Variants in ZNF490 observed in about 807,000 individuals in gnomAD.
The protein encoded by ZNF490 is zinc finger protein 490.
Under a neutral mutation model 17.7 loss-of-function variants are expected in ZNF490, and 11 were observed. The ratio of observed to expected loss-of-function variants is 0.62; its 90% confidence interval spans 0.39 to 1.03. The LOEUF is 1.03. Ranked by LOEUF, ZNF490 falls within the 50% of genes least tolerant of loss-of-function variation. The pLI, the probability that ZNF490 is intolerant of heterozygous loss-of-function variation, is 0.00. For missense variants in ZNF490, 542 were observed against 643.4 expected (o/e 0.84, Z 1.71); for synonymous variants, 222 against 216.1 (o/e 1.03, Z -0.24).
intron 2 of ZNF490, chr19:12,597,399 G>A (rs781608704): frequency 2.1e-4 from 63 of 298,156 alleles, no homozygotes; most frequent in Non-Finnish European, 1.1e-4. Context: ...CCATGCAGGA[G>A]GGCACGTGGT....
At chr19:12,609,997 G>T (rs1214343166) in intron 1 of ZNF490, 1 of 443,648 alleles carries the variant, frequency 2.3e-6, no homozygotes. Context: ...AAATAAAAAT[G>T]AAAAGCAATA....
intron 2 of ZNF490, among the ~76,000 whole-genome samples, chr19:12,589,439 C>T (rs1442113554): frequency 6.6e-6 from 1 of 151,976 alleles, no homozygotes; most frequent in Admixed American, 6.6e-5. Context: ...AATGTCTCCT[C>T]AAGCTAGCTA....
chr19:12,606,244 G>T (rs184320643), intron 2 of ZNF490, among the ~76,000 whole-genome samples: 8 of 151,410 alleles, frequency 5.3e-5, no homozygotes, highest in Admixed American at 1.3e-4. Flanking sequence ...CCAAGCTGGA[G>T]TGCAGTGGCA....
At position 12,578,992 on chromosome 19, in the gene ZNF490, G is replaced by A. The variant is rs2022682422; in HGVS notation, c.*1493C>T. 4.1e-6 allele frequency: 4 copies of A among 982,724 alleles called. No individual in the cohort carries two copies. The highest frequency in any genetic ancestry group is 9.4e-5 in the South Asian group (2 of 21,250). 60.9% of individuals were successfully genotyped at this position (982,724 alleles called of 1,614,324 possible). A position where few individuals can be genotyped will look rare whatever the true frequency, so the allele number is the denominator to read the frequency against. ...CTGGAGGCCGGGCGCGGTGGCTCAC[G>A]CCTATAATCCCAGCACTTTGGGAGG... On this transcript the variant is annotated 3_prime_UTR_variant, in exon 5 of 5. Coordinates refer to ENST00000311437, the MANE Select transcript of ZNF490 (RefSeq NM_020714.3).
intron 2 of ZNF490, among the ~76,000 whole-genome samples, chr19:12,608,149 T>C (rs1326833275): frequency 2.6e-5 from 4 of 152,170 alleles, no homozygotes; most frequent in African/African-American, 4.8e-5. Context: ...AGGGAACTGA[T>C]AGCAATGACA....
chr19:12,604,699 C>T (rs1248817821), intron 2 of ZNF490, among the ~76,000 whole-genome samples: 1 of 151,282 alleles, frequency 6.6e-6, no homozygotes, highest in Non-Finnish European at 1.5e-5. Context: ...TGGTGGGCGC[C>T]TGTAATCCCA....
chr19:12,607,918 T>C (rs1304417506), intron 2 of ZNF490, among the ~76,000 whole-genome samples: 2 of 152,040 alleles, frequency 1.3e-5, no homozygotes, highest in African/African-American at 4.8e-5. Flanking sequence ...TTATTGAAAA[T>C]GTCAGGCAAG....
chr19:12,597,239 C>T (rs1420192166), intron 2 of ZNF490: 4 of 456,266 alleles, frequency 8.8e-6, no homozygotes, highest in Non-Finnish European at 1.3e-5. Context: ...CGCAGAGCCA[C>T]AGACAGTCCG....
At position 12,577,622 on chromosome 19, in the gene ZNF490, AG is replaced by A; in HGVS notation, c.*2862del. On this transcript the variant is annotated 3_prime_UTR_variant, in exon 5 of 5. Coordinates refer to ENST00000311437, the MANE Select transcript of ZNF490 (RefSeq NM_020714.3). ...TCCACAGTAGCCGTCACTTCCACTG[AG>A]GCCTCATCTGCCAGCAAACCTTGCT... The A allele has an allele frequency of 1.0e-6, 1 of 985,478 alleles. No homozygotes were observed. The highest frequency in any genetic ancestry group is 1.2e-6 in the Non-Finnish European group (1 of 829,966). The allele number at this position is 985,478 out of a possible 1,614,324, so 61.0% of individuals were successfully genotyped here.
At chr19:12,605,184 A>C (rs2023053218) in intron 2 of ZNF490, among the ~76,000 whole-genome samples, 1 of 151,926 alleles carries the variant, frequency 6.6e-6, no homozygotes, top group Non-Finnish European at 1.5e-5. Flanking sequence ...ATAAATAATA[A>C]AATATCCTTT....
At chr19:12,583,074 C>T (rs1385999284) in intron 3 of ZNF490, among the ~76,000 whole-genome samples, 164 bp from the exon 4 acceptor site, 6 of 148,986 alleles carry the variant, frequency 4.0e-5, no homozygotes, top group Non-Finnish European at 8.9e-5. Context: ...GACAGAGTCT[C>T]GCTGTTGCCC....
intron 4 of ZNF490, among the ~76,000 whole-genome samples, chr19:12,582,509 C>A (rs2145141353): frequency 6.6e-6 from 1 of 152,246 alleles, no homozygotes; most frequent in African/African-American, 2.4e-5. Flanking sequence ...ATTCTCCTGC[C>A]TCAGCCTCCC....
chr19:12,605,644 T>C (rs937377975), intron 2 of ZNF490, among the ~76,000 whole-genome samples: 2 of 152,170 alleles, frequency 1.3e-5, no homozygotes, highest in African/African-American at 2.4e-5. Flanking sequence ...ATCCTGGGAC[T>C]TACAACTGAC....
chr19:12,606,536 G>A (rs887494556), intron 2 of ZNF490, among the ~76,000 whole-genome samples: 3 of 151,556 alleles, frequency 2.0e-5, no homozygotes, highest in African/African-American at 4.9e-5. Context: ...GTAGAGATGC[G>A]GTTTCGCCAT....
At chr19:12,594,474 A>AAAAAG (rs1188313307) in intron 2 of ZNF490, among the ~76,000 whole-genome samples, 4 of 151,748 alleles carry the variant, frequency 2.6e-5, no homozygotes, top group Admixed American at 6.6e-5. Context: ...TCAAAAAAAA[A>AAAAAG]AAAAGAAAAG....
In ZNF490 at chr19:12,581,713, A is replaced by C; in HGVS notation, c.362T>G (p.Val121Gly). 1.2e-6 allele frequency: 2 copies of C among 1,606,722 alleles called. No individual in the cohort carries two copies. Among genetic ancestry groups the C allele is most frequent in the East Asian group, 4.5e-5 (2 of 44,800 alleles). Residue 121 changes from valine to glycine, a missense_variant, in exon 5 of 5, where the codon GTT (valine) becomes GGT (glycine). By Grantham distance (109) the Val-to-Gly change is moderately radical (BLOSUM62 -3). Transcript: ENST00000311437. ...NQGRNLRSPM[V>G]EALCENKEDC... The stretch of plus-strand genomic sequence containing the variant: ...TTCTTTATTTTCACAGAGTGCTTCA[A>C]CCATAGGACTTCTGTAAAGAATGAG...
At chr19:12,599,139 CAAAAAAAAAAA>C (rs55911311) in intron 2 of ZNF490, among the ~76,000 whole-genome samples, 4,318 of 69,118 alleles carry the variant, frequency 0.062, 81 homozygotes, top group Middle Eastern at 0.083. Context: ...GACTCTGTCT[CAAAAAAAAAAA>C]AAAAAAAAAA....
chr19:12,596,942 G>C (rs527916155), intron 2 of ZNF490, among the ~76,000 whole-genome samples: 2 of 152,316 alleles, frequency 1.3e-5, no homozygotes, highest in African/African-American at 4.8e-5. Flanking sequence ...GCGGGGCTGG[G>C]GGCGCCCAGC....
At chr19:12,599,571 T>C (rs1350387887) in intron 2 of ZNF490, among the ~76,000 whole-genome samples, 2 of 152,232 alleles carry the variant, frequency 1.3e-5, no homozygotes, top group Non-Finnish European at 2.9e-5. Flanking sequence ...GTCTAGGTCC[T>C]AGGCTCCCCA....
Sources: allele counts gnomAD v4.1 joint callset (sites outside exome capture counted in the v4.1 genomes callset), GRCh38; gene constraint gnomAD v4.1.1; transcripts MANE v1.5; gene names NCBI Gene and HGNC (gene_info 2026-07-23, HGNC 2026-07-21).